Variants in HS3ST5 observed in about 807,000 individuals in gnomAD.
HS3ST5 encodes the protein heparan sulfate-glucosamine 3-sulfotransferase 5, also known as heparan sulfate glucosamine 3-O-sulfotransferase 5.
Under a neutral mutation model 25.4 loss-of-function variants are expected in HS3ST5, and 10 were observed. The ratio of observed to expected loss-of-function variants is 0.39; its 90% CI spans 0.24 to 0.67. The LOEUF is 0.67. Among genes scored for constraint, HS3ST5 ranks in the 30% least tolerant of loss-of-function variants. The pLI, the probability that HS3ST5 is intolerant of heterozygous loss-of-function variation, is 0.44. For missense variants in HS3ST5, 324 were observed against 420.7 expected (o/e 0.77, Z 2.01); for synonymous variants, 170 against 162.4 (o/e 1.05, Z -0.36).
intron 1 of HS3ST5, among the ~76,000 whole-genome samples, chr6:114,254,174 C>T (rs1054089454): frequency 3.9e-5 from 6 of 152,218 alleles, no homozygotes; most frequent in African/African-American, 1.4e-4. Context: ...GTGGAGCCTC[C>T]TGGCAGCCAG....
intron 3 of HS3ST5, among the ~76,000 whole-genome samples, chr6:114,133,072 A>G (rs1329404900): frequency 6.6e-6 from 1 of 151,252 alleles, no homozygotes; most frequent in Non-Finnish European, 1.5e-5. Flanking sequence ...CTTACCCCCT[A>G]TTTGTCACCT....
intron 2 of HS3ST5, among the ~76,000 whole-genome samples, chr6:114,204,194 C>T (rs1232931768): frequency 6.6e-6 from 1 of 152,118 alleles, no homozygotes; most frequent in East Asian, 1.9e-4. Context: ...GGAAAAATAA[C>T]AATTGTTCCT....
intron 1 of HS3ST5, among the ~76,000 whole-genome samples, chr6:114,262,833 T>TA (rs1202586697): frequency 6.6e-6 from 1 of 152,188 alleles, no homozygotes; most frequent in African/African-American, 2.4e-5. Context: ...AATGAGTTTT[T>TA]ATTGGAGATG....
At chr6:114,122,280 C>T (rs994467531) in intron 3 of HS3ST5, among the ~76,000 whole-genome samples, 10 of 152,110 alleles carry the variant, frequency 6.6e-5, no homozygotes, top group Admixed American at 4.6e-4. Context: ...GGGGGCTGTG[C>T]GTAAACATTT....
rs546586737 is a variant in HS3ST5, at chr6:114,149,489, C to G, written c.-33+18862G>C. Among the ~76,000 whole-genome samples the G allele has an allele frequency of 1.4e-4, 21 of 152,218 alleles. No individual in the cohort carries two copies. In the South Asian group the frequency reaches 3.9e-3, roughly 29 times the overall value. On this transcript the variant is annotated intron_variant, in intron 3 of 4. Coordinates refer to ENST00000312719, the MANE Select transcript of HS3ST5 (RefSeq NM_153612.4). Reference sequence around the variant, plus strand: ...AGCAAACTAACACAGGAACAGAAAACCAAACACCACATGTTCTCACTCATA... The same window carrying G: ...AGCAAACTAACACAGGAACAGAAAAGCAAACACCACATGTTCTCACTCATA...
chr6:114,069,103 A>G (rs1773635878), intron 3 of HS3ST5, among the ~76,000 whole-genome samples: 1 of 152,252 alleles, frequency 6.6e-6, no homozygotes, highest in Admixed American at 6.5e-5. Flanking sequence ...AGACATGGTT[A>G]CCACAAGCCC....
At chr6:114,237,260 G>A (rs1771901366) in intron 1 of HS3ST5, among the ~76,000 whole-genome samples, 1 of 151,028 alleles carries the variant, frequency 6.6e-6, no homozygotes, top group Admixed American at 6.6e-5. Flanking sequence ...TTAAGAAACA[G>A]AATTCTTCTG....
At chr6:114,330,692 C>T (rs1776358304) in intron 1 of HS3ST5, among the ~76,000 whole-genome samples, 1 of 152,136 alleles carries the variant, frequency 6.6e-6, no homozygotes, top group Non-Finnish European at 1.5e-5. Context: ...CTTTTTTCTA[C>T]CTTGGAGAGC....
chr6:114,127,853 T>TAGAGAG (rs1471230893), intron 3 of HS3ST5, among the ~76,000 whole-genome samples: 9 of 147,880 alleles, frequency 6.1e-5, no homozygotes, highest in African/African-American at 2.2e-4. Flanking sequence ...TATATATATA[T>TAGAGAG]ATAGAGAGAG....
intron 1 of HS3ST5, among the ~76,000 whole-genome samples, chr6:114,238,352 G>A (rs966498399): frequency 6.6e-6 from 1 of 152,190 alleles, no homozygotes; most frequent in Non-Finnish European, 1.5e-5. Context: ...TTTGGCCAAA[G>A]GAAAGAGCAT....
At chr6:114,250,142 T>C (rs1013009756) in intron 1 of HS3ST5, among the ~76,000 whole-genome samples, 5 of 152,194 alleles carry the variant, frequency 3.3e-5, no homozygotes, top group African/African-American at 1.2e-4. Flanking sequence ...AAAAATTTTT[T>C]ATAAACCAAT....
rs1389648694 is a variant in HS3ST5 at position 114,268,748 on chromosome 6, G to C, written c.-338-39970C>G. 3.3e-5 allele frequency among the ~76,000 whole-genome samples: 5 copies of C among 152,308 alleles called. No homozygotes were observed. In the East Asian group the frequency reaches 9.7e-4, roughly 29 times the overall value. On this transcript the variant is annotated intron_variant, in intron 1 of 4. Transcript: ENST00000312719. The stretch of plus-strand genomic sequence containing the variant: ...ATTGTTAGCACTTTAACTCAAAGTA[G>C]GTGAGAGAGTGAGGCATAGAGGGAT...
At chr6:114,173,687 T>C (rs543157754) in intron 2 of HS3ST5, among the ~76,000 whole-genome samples, 1 of 152,022 alleles carries the variant, frequency 6.6e-6, no homozygotes, top group Non-Finnish European at 1.5e-5. Context: ...GGTGAAACCC[T>C]GTCTCTACTA....
intron 1 of HS3ST5, among the ~76,000 whole-genome samples, chr6:114,288,113 G>T (rs1400167737): frequency 6.6e-6 from 1 of 152,052 alleles, no homozygotes; most frequent in African/African-American, 2.4e-5. Flanking sequence ...ATAATACATA[G>T]AATATACATG....
intron 1 of HS3ST5, among the ~76,000 whole-genome samples, chr6:114,303,317 C>T (rs1338209259): frequency 6.6e-6 from 1 of 151,494 alleles, no homozygotes; most frequent in African/African-American, 2.4e-5. Context: ...TCCCCCCACC[C>T]CCACCTCAAA....
At chr6:114,252,121 A>G (rs928101302) in intron 1 of HS3ST5, among the ~76,000 whole-genome samples, 2 of 150,684 alleles carry the variant, frequency 1.3e-5, no homozygotes, top group African/African-American at 4.9e-5. Context: ...TATTTCCTCT[A>G]TCTTTTAAAA....
chr6:114,304,108 A>G (rs1489032977), intron 1 of HS3ST5, among the ~76,000 whole-genome samples: 1 of 152,090 alleles, frequency 6.6e-6, no homozygotes, highest in African/African-American at 2.4e-5. Context: ...AGTATTTCTG[A>G]CTGACCTACA....
At position 114,057,195 on chromosome 6, in the gene HS3ST5, T is replaced by A. The variant is rs1433364950; in HGVS notation, c.*62A>T. ...CTCTGCCTAGGAAAAGTGCATATTTTAATCTACAGGAGACATTGTGTGTCT... is the reference window on the plus strand; with the variant it reads ...CTCTGCCTAGGAAAAGTGCATATTTAAATCTACAGGAGACATTGTGTGTCT... On this transcript the variant is annotated 3_prime_UTR_variant, in exon 5 of 5. Transcript: ENST00000312719. 4 of 1,206,140 alleles carry A rather than the reference T, an allele frequency of 3.3e-6. No individual in the cohort carries two copies. Among genetic ancestry groups the A allele is most frequent in the Non-Finnish European group, 4.7e-6 (4 of 844,618 alleles). The allele number at this position is 1,206,140 out of a possible 1,614,324, so 74.7% of individuals were successfully genotyped here.
intron 2 of HS3ST5, among the ~76,000 whole-genome samples, chr6:114,215,339 C>T (rs145301848): frequency 4.8e-4 from 73 of 152,064 alleles, no homozygotes; most frequent in African/African-American, 1.7e-3. Flanking sequence ...ACAACAGCAA[C>T]AAAAAACTCA....
Sources: allele counts gnomAD v4.1 joint callset (sites outside exome capture counted in the v4.1 genomes callset), GRCh38; gene constraint gnomAD v4.1.1; transcripts MANE v1.5; gene names NCBI Gene and HGNC (gene_info 2026-07-23, HGNC 2026-07-21).